UQCRC2: variants seen among roughly 807,000 people sequenced by gnomAD.
UQCRC2 encodes the protein ubiquinol-cytochrome c reductase core protein 2.
Under a neutral mutation model 55.6 loss-of-function variants are expected in UQCRC2, and 49 were observed. That is an observed-to-expected ratio of 0.88 (90% CI 0.70 to 1.12). UQCRC2 has a LOEUF of 1.12. Among genes scored for constraint, UQCRC2 ranks in the 50% most tolerant of loss-of-function variants. The probability of loss-of-function intolerance (pLI) is 0.00; values close to 1 mark genes in which losing one functional copy is unlikely to be tolerated. For synonymous variants in UQCRC2, 193 were observed against 192.0 expected, an observed-to-expected ratio of 1.01 and a Z score of -0.04; for missense variants, 506 against 547.8, an observed-to-expected ratio of 0.92 and a Z score of 0.76.
At position 21,980,542 on chromosome 16, in the gene UQCRC2, G is replaced by T; in HGVS notation, c.1125-5G>T. ...TAAAACTGACTTCTGCCTTTTATTG[G>T]ACAGGAACAAGCTGAAAGCTGGATA... is the stretch of plus-strand genomic sequence containing the variant. On this transcript the variant is annotated splice_polypyrimidine_tract_variant and splice_region_variant and intron_variant, in intron 12 of 13. Coordinates refer to ENST00000268379, the MANE Select transcript of UQCRC2 (RefSeq NM_003366.4). 1 of 1,612,356 alleles carries T rather than the reference G, an allele frequency of 6.2e-7. No individual in the cohort carries two copies. Among genetic ancestry groups the T allele is most frequent in the East Asian group, 2.2e-5 (1 of 44,868 alleles).
chr16:21,962,241 T>C (rs1381605078), intron 4 of UQCRC2: 2 of 560,492 alleles, frequency 3.6e-6, no homozygotes, highest in Non-Finnish European at 6.4e-6. Flanking sequence ...TGTTGTAACA[T>C]GTGACCAGAT....
intron 11 of UQCRC2, 57 bp downstream of exon 11, chr16:21,974,033 A>G (rs1898525068): frequency 6.7e-7 from 1 of 1,494,100 alleles, no homozygotes; most frequent in Non-Finnish European, 9.2e-7. Context: ...CCCCCCCGCC[A>G]TAAACATGTT....
intron 9 of UQCRC2, 21 bp from the exon 10 acceptor site, chr16:21,971,902 C>G (rs1003472689): frequency 1.2e-6 from 2 of 1,612,702 alleles, no homozygotes; most frequent in East Asian, 2.2e-5. Context: ...CTTCTTCCCT[C>G]TATCCTTAAT....
chr16:21,980,754 C>A, intron 13 of UQCRC2, 54 bp downstream of exon 13: 1 of 1,595,366 alleles, frequency 6.3e-7, no homozygotes, highest in South Asian at 1.1e-5. Context: ...CCTTAATGAT[C>A]CAATTTCAGA....
chr16:21,956,512 C>G (rs915161070), intron 1 of UQCRC2, among the ~76,000 whole-genome samples: 43 of 152,098 alleles, frequency 2.8e-4, no homozygotes, highest in Admixed American at 1.3e-4. Context: ...CTGTTGCACT[C>G]CAGCGTGGGA....
chr16:21,983,261 T>C lies in UQCRC2; in HGVS notation c.*90T>C. 3.3e-6 allele frequency: 4 copies of C among 1,203,936 alleles called. No homozygotes were observed. The highest frequency in any genetic ancestry group is 4.7e-6 in the Non-Finnish European group (4 of 852,458). 74.6% of individuals were successfully genotyped at this position (1,203,936 alleles called of 1,614,324 possible). Reference sequence around the variant, plus strand: ...AAGTCAGAAGTCTCTAATATATCATTTGTCTTTTTTCCAGTGAGGTAAAAT... The same window carrying C: ...AAGTCAGAAGTCTCTAATATATCATCTGTCTTTTTTCCAGTGAGGTAAAAT... On this transcript the variant is annotated 3_prime_UTR_variant, in exon 14 of 14. Coordinates refer to ENST00000268379, the MANE Select transcript of UQCRC2 (RefSeq NM_003366.4).
At chr16:21,976,087 G>A in intron 11 of UQCRC2, 80 bp from the exon 12 acceptor site, 1 of 894,612 alleles carries the variant, frequency 1.1e-6, no homozygotes. Context: ...CTGTGTTTTT[G>A]CCTCAGTAAA....
chr16:21,961,905 G>A (rs1898214753), intron 4 of UQCRC2, among the ~76,000 whole-genome samples: 3 of 151,340 alleles, frequency 2.0e-5, no homozygotes, highest in Non-Finnish European at 2.9e-5. Context: ...CGCCCACCTC[G>A]GCCTCCCAAA....
At chr16:21,980,439 C>G in intron 12 of UQCRC2, 108 bp from the exon 13 acceptor site, 1 of 1,182,110 alleles carries the variant, frequency 8.5e-7, no homozygotes, top group Non-Finnish European at 1.2e-6. Flanking sequence ...CACGCTGTTA[C>G]TCTATCCATT....
At position 21,983,131 on chromosome 16, in the gene UQCRC2, G is replaced by C; in HGVS notation, c.1322G>C (p.Ser441Thr). The change falls in exon 14 of 14, where the codon AGT becomes ACT. Residue 441 changes from serine to threonine, a missense_variant. Coordinates refer to ENST00000268379, the MANE Select transcript of UQCRC2 (RefSeq NM_003366.4). ...TCTGGCCAGAAGTCAATGGCAGCAA[G>C]TGGAAATTTGGGACATACACCTTTT... ...FVSGQKSMAA[S>T]GNLGHTPFVD... 6.2e-7 allele frequency: 1 copy of C among 1,614,152 alleles called. No individual in the cohort carries two copies. Among genetic ancestry groups the C allele is most frequent in the Non-Finnish European group, 8.5e-7 (1 of 1,180,032 alleles).
intron 12 of UQCRC2, among the ~76,000 whole-genome samples, chr16:21,978,477 T>A (rs989069869): frequency 3.3e-5 from 5 of 152,208 alleles, no homozygotes; most frequent in Non-Finnish European, 7.3e-5. Context: ...GTGCCCATAT[T>A]TAAGCTGCCG....
Position 21,962,110 on chromosome 16 carries a change from A to T in UQCRC2, c.333-350A>T, listed in dbSNP as rs569275850. The stretch of plus-strand genomic sequence containing the variant: ...CTCCCCTCAGCCTTTGGCAACTGCC[A>T]TTCTCTTTTCAGTCTCTACAAATTT... On this transcript the variant is annotated intron_variant, in intron 4 of 13. Coordinates refer to ENST00000268379, the MANE Select transcript of UQCRC2 (RefSeq NM_003366.4). 4 of 204,024 alleles carry T rather than the reference A, an allele frequency of 2.0e-5. No homozygotes were observed. In the South Asian group the frequency reaches 4.2e-4, roughly 22 times the overall value. 12.6% of individuals were successfully genotyped at this position (204,024 alleles called of 1,614,324 possible). A position where few individuals can be genotyped will look rare whatever the true frequency, so the allele number is the denominator to read the frequency against.
At position 21,983,497 on chromosome 16, in the gene UQCRC2, C is replaced by T. The variant is rs1475134985; in HGVS notation, c.*326C>T. 7 of 343,780 alleles carry T rather than the reference C, an allele frequency of 2.0e-5. No individual in the cohort carries two copies. The highest frequency in any genetic ancestry group is 4.4e-5 in the East Asian group (1 of 22,978). The allele number at this position is 343,780 out of a possible 1,614,324, so 21.3% of individuals were successfully genotyped here. ...ATTAAAATTAAGGCTAAGTGGCTAT[C>T]GGGGTAAATAGTGCCAGATTACTAT... is the stretch of plus-strand genomic sequence containing the variant. On this transcript the variant is annotated 3_prime_UTR_variant, in exon 14 of 14. Transcript: ENST00000268379.
intron 8 of UQCRC2, 143 bp from the exon 9 acceptor site, chr16:21,971,382 G>A: frequency 4.7e-6 from 3 of 642,256 alleles, no homozygotes; most frequent in Non-Finnish European, 8.0e-6. Context: ...ATCTCTGGGA[G>A]AGTGGCATTA....
intron 5 of UQCRC2, 65 bp downstream of exon 5, chr16:21,962,581 C>G: frequency 5.0e-6 from 8 of 1,606,708 alleles, no homozygotes; most frequent in Non-Finnish European, 6.8e-6. Context: ...CACTTCTGGT[C>G]TTTGTAATGC....
Position 21,958,594 on chromosome 16 carries a change from A to G in UQCRC2, c.327A>G (p.Lys109=), listed in dbSNP as rs758867560. The change falls in exon 4 of 14, where the codon AAA becomes AAG. Residue 109 remains lysine (K), a synonymous_variant. Transcript: ENST00000268379. Reference sequence around the variant, plus strand: ...GTGGAATTGAAGCAGTTGGTGGCAAATTAAGGTTTGTTAAATAAGTAATAG... The same window carrying G: ...GTGGAATTGAAGCAGTTGGTGGCAAGTTAAGGTTTGTTAAATAAGTAATAG... ...ITRGIEAVGG[K]LSVTATRENM... The G allele has an allele frequency of 5.0e-6, 8 of 1,611,740 alleles. No homozygotes were observed. Among genetic ancestry groups the G allele is most frequent in the Middle Eastern group, 1.6e-4 (1 of 6,068 alleles).
intron 4 of UQCRC2, 108 bp from the exon 5 acceptor site, chr16:21,962,352 T>G (rs1898224509): frequency 1.5e-6 from 2 of 1,367,152 alleles, no homozygotes; most frequent in Middle Eastern, 1.8e-4. Context: ...TTCGCACCTT[T>G]TATACTTCAG....
At position 21,980,667 on chromosome 16, in the gene UQCRC2, G is replaced by C; in HGVS notation, c.1245G>C (p.Gln415His). ...SYMPPSTVLQ[Q>H]IDSVANADII... ...TGCCACCATCCACAGTCCTTCAGCAGATTGATTCAGTGGCTAATGCTGATA... is the reference window on the plus strand; with the variant it reads ...TGCCACCATCCACAGTCCTTCAGCACATTGATTCAGTGGCTAATGCTGATA... Residue 415 changes from glutamine to histidine, a missense_variant, in exon 13 of 14, where the codon CAG becomes CAC. Physicochemically the swap from Gln to His is conservative, Grantham distance 24. Transcript: ENST00000268379. 1.2e-6 allele frequency: 2 copies of C among 1,614,152 alleles called. No homozygotes were observed. Among genetic ancestry groups the C allele is most frequent in the East Asian group, 2.2e-5 (1 of 44,888 alleles).
chr16:21,978,068 C>T (rs1898628077), intron 12 of UQCRC2, among the ~76,000 whole-genome samples: 1 of 152,150 alleles, frequency 6.6e-6, no homozygotes, highest in Non-Finnish European at 1.5e-5. Flanking sequence ...AAGTGTAACA[C>T]AGTTCTTACA....
Sources: allele counts gnomAD v4.1 joint callset (sites outside exome capture counted in the v4.1 genomes callset), GRCh38; gene constraint gnomAD v4.1.1; transcripts MANE v1.5; gene names NCBI Gene and HGNC (gene_info 2026-07-23, HGNC 2026-07-21).